LPIN1: variants seen among roughly 807,000 people sequenced by gnomAD.
LPIN1 encodes the protein lipin 1.
In LPIN1, 71 loss-of-function variants were observed where a neutral mutation model predicts 107.5. The observed-to-expected ratio is 0.66, with a 90% CI of 0.55 to 0.80. LPIN1 has a LOEUF of 0.80. Among genes scored for constraint, LPIN1 ranks in the 30% least tolerant of loss-of-function variants. The probability of loss-of-function intolerance (pLI) is 0.00; values close to 1 mark genes in which losing one functional copy is unlikely to be tolerated. For synonymous variants in LPIN1, 445 were observed against 452.6 expected, an observed-to-expected ratio of 0.98 and a Z score of 0.21; for missense variants, 1,043 against 1,160.6, an observed-to-expected ratio of 0.90 and a Z score of 1.47.
intron 1 of LPIN1, among the ~76,000 whole-genome samples, chr2:11,699,855 G>A (rs1662779433): frequency 6.6e-6 from 1 of 152,144 alleles, no homozygotes; most frequent in Non-Finnish European, 1.5e-5. Flanking sequence ...GGGGGAGGGA[G>A]AGGAGCCGGT....
intron 17 of LPIN1, among the ~76,000 whole-genome samples, chr2:11,810,273 T>G (rs1679425986): frequency 6.6e-6 from 1 of 152,190 alleles, no homozygotes; most frequent in African/African-American, 2.4e-5. Context: ...TAATTTTGAT[T>G]GACCAGAGGT....
chr2:11,764,099 TATATACAC>T (rs1670377655), intron 1 of LPIN1: 1 of 123,340 alleles, frequency 8.1e-6, no homozygotes, highest in Non-Finnish European at 1.6e-5. Flanking sequence ...TATATATATA[TATATACAC>T]ACACACACAC....
At chr2:11,700,881 G>A (rs1662837542) in intron 1 of LPIN1, among the ~76,000 whole-genome samples, 1 of 152,126 alleles carries the variant, frequency 6.6e-6, no homozygotes, top group African/African-American at 2.4e-5. Flanking sequence ...ATATGCCTAG[G>A]CTCCCAGACA....
chr2:11,783,289 A>G (rs1276489034), intron 8 of LPIN1, among the ~76,000 whole-genome samples: 1 of 152,226 alleles, frequency 6.6e-6, no homozygotes, highest in Non-Finnish European at 1.5e-5. Flanking sequence ...AAAAGCTTTT[A>G]TCATTTCATA....
rs918371976 is a variant in LPIN1 at position 11,819,254 on chromosome 2, A to G, written c.2403-230A>G. 9.4e-6 allele frequency: 5 copies of G among 533,278 alleles called. No homozygotes were observed. In the East Asian group the frequency reaches 1.6e-4, roughly 17 times the overall value. The allele number at this position is 533,278 out of a possible 1,614,324, so 33.0% of individuals were successfully genotyped here. A position where few individuals can be genotyped will look rare whatever the true frequency, so the allele number is the denominator to read the frequency against. ...CTTTGTTCCCTGGATGACCAGGATA[A>G]CCCTTGGTGAAATGGCTCATCCTTG... On this transcript the variant is annotated intron_variant, in intron 18 of 20. Coordinates refer to ENST00000674199, the MANE Select transcript of LPIN1 (RefSeq NM_001349206.2).
intron 1 of LPIN1, among the ~76,000 whole-genome samples, chr2:11,693,772 G>GTT (rs1662388095): frequency 8.5e-6 from 1 of 117,854 alleles, no homozygotes; most frequent in Non-Finnish European, 1.7e-5. Context: ...AGCCATATAT[G>GTT]TGTGTGTGTG....
At position 11,825,019 on chromosome 2, in the gene LPIN1, C is replaced by T. The variant is rs1202703399; in HGVS notation, c.*228C>T. 1.0e-5 allele frequency: 6 copies of T among 577,800 alleles called. No individual in the cohort carries two copies. Among genetic ancestry groups the T allele is most frequent in the East Asian group, 2.9e-5 (1 of 33,914 alleles). The allele number at this position is 577,800 out of a possible 1,614,324, so 35.8% of individuals were successfully genotyped here. A position where few individuals can be genotyped will look rare whatever the true frequency, so the allele number is the denominator to read the frequency against. On this transcript the variant is annotated 3_prime_UTR_variant, in exon 21 of 21. Coordinates refer to ENST00000674199, the MANE Select transcript of LPIN1 (RefSeq NM_001349206.2). This position sits in a 1 kb window ranked among gnomAD's most constrained non-coding sequence, Gnocchi z 4.1. ...GGCTAGGAGTTGGGTGCATTTGTAC[C>T]GTGAAAAGCATTCCTCAGTTGTGGC...
At chr2:11,772,016 C>T (rs1314460628) in intron 4 of LPIN1, among the ~76,000 whole-genome samples, 1 of 152,174 alleles carries the variant, frequency 6.6e-6, no homozygotes, top group Non-Finnish European at 1.5e-5. Context: ...TAGACGGTCC[C>T]ATCTTGGGGG....
chr2:11,820,581 G>C, intron 20 of LPIN1, 67 bp downstream of exon 20: 1 of 1,168,424 alleles, frequency 8.6e-7, no homozygotes, highest in South Asian at 1.2e-5. Flanking sequence ...GTGCTTCCCA[G>C]TTTGCGGTGT....
intron 1 of LPIN1, among the ~76,000 whole-genome samples, chr2:11,706,911 G>C (rs1035995000): frequency 2.0e-5 from 3 of 152,112 alleles, no homozygotes; most frequent in Non-Finnish European, 2.9e-5. Context: ...TGTGGAGAGA[G>C]GATTCATAGC....
chr2:11,791,196 A>G (rs1053267288), intron 12 of LPIN1, among the ~76,000 whole-genome samples: 24 of 152,198 alleles, frequency 1.6e-4, no homozygotes, highest in Admixed American at 4.6e-4. Context: ...TTCAGCTTAA[A>G]TCTTTCTTTT....
In LPIN1 at chr2:11,765,068, G is replaced by T. The variant is rs984171957; in HGVS notation, c.-9-465G>T. On this transcript the variant is annotated intron_variant, in intron 1 of 20. Transcript: ENST00000674199. The surrounding 1 kb of genome is among the most constrained non-coding windows in gnomAD (Gnocchi z 4.4). ...TGATGGATCCTGATGGGCCGTGATG[G>T]GCTGTGATGGACCCTGGTGGGCTCT... is the stretch of plus-strand genomic sequence containing the variant. Among the ~76,000 whole-genome samples the T allele has an allele frequency of 3.3e-5, 5 of 152,164 alleles. No individual in the cohort carries two copies. Among genetic ancestry groups the T allele is most frequent in the African/African-American group, 9.6e-5 (4 of 41,454 alleles).
rs1187069921 is a variant in LPIN1 at position 11,773,241 on chromosome 2, C to G, written c.597-379C>G. Among the ~76,000 whole-genome samples the G allele has an allele frequency of 3.3e-5, 5 of 152,196 alleles. No individual in the cohort carries two copies. The East Asian group carries it at 9.6e-4, about 29-fold the overall frequency. On this transcript the variant is annotated intron_variant, in intron 4 of 20. Coordinates refer to ENST00000674199, the MANE Select transcript of LPIN1 (RefSeq NM_001349206.2). ...AGTTATTCAGCAGTTCTGCCTGTAC[C>G]TGGCAGGGGTTTTATACCGCCCTGG... is the stretch of plus-strand genomic sequence containing the variant.
chr2:11,775,797 G>A (rs1432854257), intron 5 of LPIN1, among the ~76,000 whole-genome samples: 4 of 149,420 alleles, frequency 2.7e-5, no homozygotes, highest in South Asian at 4.2e-4. Context: ...TCTTAAAAAT[G>A]TCGTTGTTGA....
chr2:11,746,230 C>G (rs1156691652), upstream of LPIN1: 1 of 152,314 alleles, frequency 6.6e-6, no homozygotes, highest in Non-Finnish European at 1.5e-5. Context: ...GGGCTCAGAT[C>G]CCGCCACTGG....
intron 1 of LPIN1, among the ~76,000 whole-genome samples, chr2:11,679,128 G>A (rs1661578153): frequency 6.6e-6 from 1 of 152,182 alleles, no homozygotes; most frequent in Non-Finnish European, 1.5e-5. Context: ...TGAGACGCAG[G>A]TGTTATTATC....
chr2:11,815,015 G>A (rs373214491), intron 17 of LPIN1, 73 bp from the exon 18 acceptor site: 2 of 1,389,736 alleles, frequency 1.4e-6, no homozygotes, highest in East Asian at 2.3e-5. Context: ...GAACAGATAT[G>A]GATCAGGATT....
chr2:11,708,874 A>G (rs1488986882), intron 1 of LPIN1, among the ~76,000 whole-genome samples: 1 of 152,076 alleles, frequency 6.6e-6, no homozygotes, highest in African/African-American at 2.4e-5. Context: ...TATATTGAGC[A>G]CTTGACATTA....
At chr2:11,717,077 C>T (rs991991006) in intron 2 of LPIN1, among the ~76,000 whole-genome samples, 4 of 151,974 alleles carry the variant, frequency 2.6e-5, no homozygotes, top group African/African-American at 9.7e-5. Context: ...CATGTTTTGT[C>T]GGGGGAGGAA....
Sources: gnomAD v4.1 joint callset for allele counts (sites outside exome capture counted in the v4.1 genomes callset) on GRCh38, gnomAD v4.1.1 for gene constraint, Gnocchi (gnomAD v3.1) non-coding constraint, MANE v1.5 for transcripts, NCBI Gene and HGNC (gene_info 2026-07-23, HGNC 2026-07-21) for gene names.